The following SDR42E1 variants were observed in gnomAD, a reference collection of about 807,000 sequenced individuals.
SDR42E1 encodes short chain dehydrogenase/reductase family 42E, member 1.
In SDR42E1, 5 loss-of-function variants were observed where a neutral mutation model predicts 2.6. The observed-to-expected ratio is 1.94, with a 90% CI of 1.01 to 4.08. SDR42E1 has a LOEUF of 4.08. Among genes scored for constraint, SDR42E1 ranks in the 30% most tolerant of loss-of-function variants. The pLI is 0.00. For synonymous variants in SDR42E1, 231 were observed against 188.3 expected (o/e 1.23, Z -1.86); for missense variants, 596 against 478.6 (o/e 1.25, Z -2.29).
rs1180105461 is a variant in SDR42E1, at chr16:81,994,703, G to C, written c.*4408C>G. On this transcript the variant is annotated 3_prime_UTR_variant, in exon 3 of 3. Transcript: ENST00000328945. ...GGGGCACCAGTGGCCCTATAATGATGTCTAATTGGGTCAGAGCTGGGGCGT... is the reference window on the plus strand; with the variant it reads ...GGGGCACCAGTGGCCCTATAATGATCTCTAATTGGGTCAGAGCTGGGGCGT... The C allele has an allele frequency of 2.6e-5, 4 of 152,154 alleles. No homozygotes were observed. Among genetic ancestry groups the C allele is most frequent in the Admixed American group, 2.0e-4 (3 of 15,280 alleles). The allele number at this position is 152,154 out of a possible 1,614,324, so 9.4% of individuals were successfully genotyped here.
Position 82,008,563 on chromosome 16 carries a change from G to C in SDR42E1, c.-27+2824C>G, listed in dbSNP as rs967675289. Among the ~76,000 whole-genome samples the C allele has an allele frequency of 2.0e-5, 3 of 152,334 alleles. No individual in the cohort carries two copies. In the East Asian group the frequency reaches 5.8e-4, roughly 29 times the overall value. On this transcript the variant is annotated intron_variant, in intron 1 of 2. Coordinates refer to ENST00000328945, the MANE Select transcript of SDR42E1 (RefSeq NM_145168.3). Reference sequence around the variant, plus strand: ...AAGTGACTCGTTATGTTTTAGCAAAGAGACTGATGGCATTTTGTCCTTGCC... The same window carrying C: ...AAGTGACTCGTTATGTTTTAGCAAACAGACTGATGGCATTTTGTCCTTGCC...
At chr16:82,001,500 C>G (rs1205809261) in intron 1 of SDR42E1, among the ~76,000 whole-genome samples, 1 of 152,146 alleles carries the variant, frequency 6.6e-6, no homozygotes, top group East Asian at 1.9e-4. Context: ...ACTTCTCTCT[C>G]CCTCTTCTTC....
chr16:81,997,291 G>A lies in SDR42E1; in HGVS notation c.*1820C>T, dbSNP rs1257120747. On this transcript the variant is annotated 3_prime_UTR_variant, in exon 3 of 3. Transcript: ENST00000328945. ...GGGCAACGTTTCATGGAAAAGGAAG[G>A]ATGACTCACATCGGGCCAAGAGCTC... 6.6e-6 allele frequency: 1 copy of A among 152,170 alleles called. No homozygotes were observed. Among genetic ancestry groups the A allele is most frequent in the East Asian group, 1.9e-4 (1 of 5,198 alleles). 9.4% of individuals were successfully genotyped at this position (152,170 alleles called of 1,614,324 possible). A position where few individuals can be genotyped will look rare whatever the true frequency, so the allele number is the denominator to read the frequency against.
At chr16:82,000,512 T>G (rs1310496653) in intron 2 of SDR42E1, 6 of 592,510 alleles carry the variant, frequency 1.0e-5, no homozygotes, top group Non-Finnish European at 1.8e-5. Context: ...GGAATATTTG[T>G]GAATAATAAG....
intron 1 of SDR42E1, among the ~76,000 whole-genome samples, chr16:82,008,751 T>G (rs529609133): frequency 1.3e-5 from 2 of 152,060 alleles, no homozygotes; most frequent in East Asian, 3.9e-4. Context: ...TGGGGAGAAA[T>G]TCAAGCTGGC....
intron 1 of SDR42E1, among the ~76,000 whole-genome samples, chr16:82,005,549 T>A (rs553394335): frequency 2.0e-5 from 3 of 152,154 alleles, no homozygotes; most frequent in Non-Finnish European, 4.4e-5. Context: ...AAAATTCACA[T>A]GAATCCTAAG....
At position 82,000,231 on chromosome 16, in the gene SDR42E1, TAAG is replaced by T. The variant is rs1567563977; in HGVS notation, c.69-10_69-8del. The T allele has an allele frequency of 6.2e-7, 1 of 1,602,254 alleles. No individual in the cohort carries two copies. The highest frequency in any genetic ancestry group is 1.1e-5 in the South Asian group (1 of 91,046). ...GTTCAGGGCACAGCCCAGGCTGAAA[TAAG>T]AAACAGTAAACGTTGAATCAAGTCA... is the stretch of plus-strand genomic sequence containing the variant. On this transcript the variant is annotated splice_region_variant and splice_polypyrimidine_tract_variant and intron_variant, in intron 2 of 2. Coordinates refer to ENST00000328945, the MANE Select transcript of SDR42E1 (RefSeq NM_145168.3).
At chr16:82,006,692 G>A (rs1912947942) in intron 1 of SDR42E1, among the ~76,000 whole-genome samples, 1 of 152,198 alleles carries the variant, frequency 6.6e-6, no homozygotes, top group Non-Finnish European at 1.5e-5. Context: ...TACTCAGAAG[G>A]TTGAGGCAGG....
In SDR42E1 at chr16:81,993,811, G is replaced by A. The variant is rs184609689; in HGVS notation, c.*5300C>T. On this transcript the variant is annotated 3_prime_UTR_variant, in exon 3 of 3. Coordinates refer to ENST00000328945, the MANE Select transcript of SDR42E1 (RefSeq NM_145168.3). Reference sequence around the variant, plus strand: ...ATCAAACAATTTCCATATAAAACAAGAGTTTGAACTACTCTGCTTAAAGGT... The same window carrying A: ...ATCAAACAATTTCCATATAAAACAAAAGTTTGAACTACTCTGCTTAAAGGT... 1.3e-5 allele frequency: 2 copies of A among 152,258 alleles called. No homozygotes were observed. The highest frequency in any genetic ancestry group is 1.3e-4 in the Admixed American group (2 of 15,290). 9.4% of individuals were successfully genotyped at this position (152,258 alleles called of 1,614,324 possible).
rs1567568682 is a variant in SDR42E1 at position 82,011,438 on chromosome 16, G to A, written c.-78C>T. 1 of 152,466 alleles carries A rather than the reference G, an allele frequency of 6.6e-6. No individual in the cohort carries two copies. The highest frequency in any genetic ancestry group is 1.5e-5 in the Non-Finnish European group (1 of 68,280). 9.4% of individuals were successfully genotyped at this position (152,466 alleles called of 1,614,324 possible). A position where few individuals can be genotyped will look rare whatever the true frequency, so the allele number is the denominator to read the frequency against. ...CGGCTACAGCAGGCAGAGAGGCCCA[G>A]GCCTCCTAGCTACCCATCACCACAG... On this transcript the variant is annotated 5_prime_UTR_variant, in exon 1 of 3. Coordinates refer to ENST00000328945, the MANE Select transcript of SDR42E1 (RefSeq NM_145168.3).
At position 81,993,328 on chromosome 16, in the gene SDR42E1, C is replaced by T. The variant is rs1912469722; in HGVS notation, c.*5783G>A. 1 of 152,164 alleles carries T rather than the reference C, an allele frequency of 6.6e-6. No individual in the cohort carries two copies. Among genetic ancestry groups the T allele is most frequent in the Non-Finnish European group, 1.5e-5 (1 of 68,052 alleles). The allele number at this position is 152,164 out of a possible 1,614,324, so 9.4% of individuals were successfully genotyped here. Reference sequence around the variant, plus strand: ...CACCTCCTTGTTGAAAGATAAGAAACACCTAGAGTGCAGATTACCAACCAA... The same window carrying T: ...CACCTCCTTGTTGAAAGATAAGAAATACCTAGAGTGCAGATTACCAACCAA... On this transcript the variant is annotated 3_prime_UTR_variant, in exon 3 of 3. Transcript: ENST00000328945.
Position 81,989,439 on chromosome 16 carries a change from T to C in SDR42E1, c.*9672A>G, listed in dbSNP as rs1194473500. The C allele has an allele frequency of 6.6e-6, 1 of 152,196 alleles. No individual in the cohort carries two copies. The highest frequency in any genetic ancestry group is 6.5e-5 in the Admixed American group (1 of 15,282). 9.4% of individuals were successfully genotyped at this position (152,196 alleles called of 1,614,324 possible). On this transcript the variant is annotated 3_prime_UTR_variant, in exon 3 of 3. Coordinates refer to ENST00000328945, the MANE Select transcript of SDR42E1 (RefSeq NM_145168.3). The stretch of plus-strand genomic sequence containing the variant: ...ATATTTTAACATTATATAAGAAAAA[T>C]ACATCTATGCATTATTTGTATAGTT...
rs1912677442 is a variant in SDR42E1, at chr16:81,999,726, A to G, written c.567T>C (p.Tyr189=). ...GAAGGTGTCTTTGTTCTCCAGGCCC[A>G]TAGATGCCAGCTGGCCTCAGAGCGC... ...RTCALRPAGI[Y]GPGEQRHLPR... is the part of the protein sequence containing the mutation. Residue 189 remains tyrosine (Y), a synonymous_variant, in exon 3 of 3, where the codon TAT becomes TAC. Coordinates refer to ENST00000328945, the MANE Select transcript of SDR42E1 (RefSeq NM_145168.3). 1 of 1,614,232 alleles carries G rather than the reference A, an allele frequency of 6.2e-7. No homozygotes were observed.
In SDR42E1 at chr16:81,999,994, A is replaced by T. The variant is rs772536823; in HGVS notation, c.299T>A (p.Val100Asp). ...LNRNLIKEVN[V>D]RGTDNILQVC... Reference sequence around the variant, plus strand: ...CTGGAGGATGTTGTCTGTGCCCCTGACGTTGACTTCTTTGATCAGGTTTCG... The same window carrying T: ...CTGGAGGATGTTGTCTGTGCCCCTGTCGTTGACTTCTTTGATCAGGTTTCG... The change falls in exon 3 of 3, where the codon GTC becomes GAC. Residue 100 changes from valine to aspartate, a missense_variant. Physicochemically the swap from Val to Asp is radical, Grantham distance 152. Coordinates refer to ENST00000328945, the MANE Select transcript of SDR42E1 (RefSeq NM_145168.3). 1.9e-6 allele frequency: 3 copies of T among 1,614,206 alleles called. No homozygotes were observed. The highest frequency in any genetic ancestry group is 2.5e-6 in the Non-Finnish European group (3 of 1,180,032).
Position 81,999,042 on chromosome 16 carries a change from C to A in SDR42E1, c.*69G>T. 1 of 1,513,232 alleles carries A rather than the reference C, an allele frequency of 6.6e-7. No homozygotes were observed. The highest frequency in any genetic ancestry group is 8.9e-7 in the Non-Finnish European group (1 of 1,124,594). 93.7% of individuals were successfully genotyped at this position (1,513,232 alleles called of 1,614,324 possible). The stretch of plus-strand genomic sequence containing the variant: ...GTTTGGCACCAGATATCACTGTACA[C>A]ATTTTAAAACCCATGTTTCTTGAGA... On this transcript the variant is annotated 3_prime_UTR_variant, in exon 3 of 3. Transcript: ENST00000328945.
rs574131683 is a variant in SDR42E1, at chr16:81,992,148, C to T, written c.*6963G>A. 6 of 152,170 alleles carry T rather than the reference C, an allele frequency of 3.9e-5. No homozygotes were observed. In the East Asian group the frequency reaches 9.6e-4, roughly 24 times the overall value. The allele number at this position is 152,170 out of a possible 1,614,324, so 9.4% of individuals were successfully genotyped here. The stretch of plus-strand genomic sequence containing the variant: ...TCCAGCCTGGGCAACAAGAGCAAAA[C>T]TCCATCTCAAAAAAAAGAAAAAAAA... On this transcript the variant is annotated 3_prime_UTR_variant, in exon 3 of 3. Transcript: ENST00000328945.
In SDR42E1 at chr16:81,991,807, A is replaced by G. The variant is rs1344561340; in HGVS notation, c.*7304T>C. Reference sequence around the variant, plus strand: ...CTGGTGACGCTGGGTACCCTTGGGCAAGGTACTGCATCTCCCTAAGCCTCA... The same window carrying G: ...CTGGTGACGCTGGGTACCCTTGGGCGAGGTACTGCATCTCCCTAAGCCTCA... On this transcript the variant is annotated 3_prime_UTR_variant, in exon 3 of 3. Coordinates refer to ENST00000328945, the MANE Select transcript of SDR42E1 (RefSeq NM_145168.3). The G allele has an allele frequency of 6.6e-6, 1 of 151,916 alleles. No homozygotes were observed. The highest frequency in any genetic ancestry group is 1.5e-5 in the Non-Finnish European group (1 of 68,018). 9.4% of individuals were successfully genotyped at this position (151,916 alleles called of 1,614,324 possible).
chr16:81,999,260 C>A lies in SDR42E1; in HGVS notation c.1033G>T (p.Glu345Ter), dbSNP rs1912643472. ...GYKAQPFDLQ[E>*]AVEWFKAHGH... ...TGGGCTTTAAACCATTCCACTGCTT[C>A]CTGGAGGTCAAATGGCTGAGCCTTA... Residue 345 changes from glutamate (E) to a stop codon, truncating the protein, a stop_gained, in exon 3 of 3, where the codon GAA becomes TAA. Transcript: ENST00000328945. LOFTEE classifies it low-confidence loss of function (END_TRUNC). 6.2e-7 allele frequency: 1 copy of A among 1,614,204 alleles called. No homozygotes were observed. Among genetic ancestry groups the A allele is most frequent in the Non-Finnish European group, 8.5e-7 (1 of 1,180,044 alleles).
chr16:82,001,702 A>G (rs925870711), intron 1 of SDR42E1, among the ~76,000 whole-genome samples: 1 of 152,034 alleles, frequency 6.6e-6, no homozygotes, highest in Non-Finnish European at 1.5e-5. Flanking sequence ...GGAGATCGAG[A>G]CCATCCTGAC....
Sources: gnomAD v4.1 joint callset for allele counts (sites outside exome capture counted in the v4.1 genomes callset) on GRCh38, gnomAD v4.1.1 for gene constraint, MANE v1.5 for transcripts, NCBI Gene and HGNC (gene_info 2026-07-23, HGNC 2026-07-21) for gene names.